FRRS1: variants seen among roughly 807,000 people sequenced by gnomAD.
FRRS1 encodes ferric reductase 1.
In FRRS1, 51 loss-of-function variants were observed where a neutral mutation model predicts 70.7. The observed-to-expected ratio is 0.72, with a 90% CI of 0.58 to 0.91. The LOEUF (loss-of-function observed/expected upper bound fraction) is 0.91. Ranked by LOEUF, FRRS1 falls within the 40% of genes least tolerant of loss-of-function variation. The pLI, the probability that FRRS1 is intolerant of heterozygous loss-of-function variation, is 0.00. For synonymous variants in FRRS1, 225 were observed against 238.7 expected, an observed-to-expected ratio of 0.94 and a Z score of 0.53; for missense variants, 672 against 726.0, an observed-to-expected ratio of 0.93 and a Z score of 0.86.
At position 99,740,825 on chromosome 1, in the gene FRRS1, T is replaced by G; in HGVS notation, c.544A>C (p.Thr182Pro). 3.1e-6 allele frequency: 5 copies of G among 1,612,902 alleles called. No individual in the cohort carries two copies. The highest frequency in any genetic ancestry group is 4.2e-6 in the Non-Finnish European group (5 of 1,178,890). ...TPKATVVPLP[T>P]LPPVSHLTKP... ...GTTAAGTGGGAAACGGGAGGTAACG[T>G]TGGCAAAGGTACTACTGTAGCTTTA... Residue 182 changes from threonine (T) to proline (P), a missense_variant, in exon 6 of 17, where the codon ACG (threonine) becomes CCG (proline). By Grantham distance (38) the Thr-to-Pro change is conservative. Transcript: ENST00000646001.
intron 1 of FRRS1, 65 bp from the exon 2 acceptor site, chr1:99,749,066 C>T (rs1656439105): frequency 4.5e-6 from 1 of 223,124 alleles, no homozygotes; most frequent in Admixed American, 5.5e-5. Flanking sequence ...ACATAGATCT[C>T]GCTCTGTTGC....
intron 1 of FRRS1, among the ~76,000 whole-genome samples, chr1:99,754,070 T>C (rs1363688565): frequency 6.6e-6 from 1 of 152,110 alleles, no homozygotes; most frequent in Non-Finnish European, 1.5e-5. Flanking sequence ...AATAAAAGGG[T>C]TAATTCTCCA....
At position 99,727,859 on chromosome 1, in the gene FRRS1, C is replaced by G. The variant is rs143435108; in HGVS notation, c.1006+634G>C. On this transcript the variant is annotated intron_variant, in intron 9 of 16. Coordinates refer to ENST00000646001, the MANE Select transcript of FRRS1 (RefSeq NM_001361041.2). Reference sequence around the variant, plus strand: ...GTGTTGCAATATCCACCAGTGTAGTCTTCTTGAGAATAAAGATTCAGACTC... The same window carrying G: ...GTGTTGCAATATCCACCAGTGTAGTGTTCTTGAGAATAAAGATTCAGACTC... 3.2e-3 allele frequency among the ~76,000 whole-genome samples: 490 copies of G among 152,260 alleles called. 4 individuals carry two copies. Among genetic ancestry groups the G allele is most frequent in the Middle Eastern group, 0.01 (3 of 294 alleles).
chr1:99,741,010 G>GA (rs533576638), intron 5 of FRRS1, 70 bp from the exon 6 acceptor site: 6,294 of 1,188,206 alleles, frequency 5.3e-3, no homozygotes, highest in South Asian at 6.5e-3. Flanking sequence ...AACGTTAAAG[G>GA]AAAAAAAAAA....
chr1:99,730,848 C>G, intron 7 of FRRS1, among the ~76,000 whole-genome samples: 1 of 126,904 alleles, frequency 7.9e-6, no homozygotes. Context: ...GCCTGGGCAA[C>G]AGAGCGAAAC....
rs144129737 is a variant in FRRS1, at chr1:99,717,868, G to C, written c.1121-343C>G. On this transcript the variant is annotated intron_variant, in intron 10 of 16. Coordinates refer to ENST00000646001, the MANE Select transcript of FRRS1 (RefSeq NM_001361041.2). Reference sequence around the variant, plus strand: ...ATAGAGAATTAAGTAGCTCTTCTGAGGTTACAAAGTTGGAATACAAACCCT... The same window carrying C: ...ATAGAGAATTAAGTAGCTCTTCTGACGTTACAAAGTTGGAATACAAACCCT... Among the ~76,000 whole-genome samples, 3 of 152,248 alleles carry C rather than the reference G, an allele frequency of 2.0e-5. No homozygotes were observed. The East Asian group carries it at 5.8e-4, about 29-fold the overall frequency.
intron 1 of FRRS1, 52 bp from the exon 2 acceptor site, chr1:99,749,053 G>A (rs537205777): frequency 8.3e-5 from 21 of 253,358 alleles, no homozygotes; most frequent in African/African-American, 3.2e-4. Context: ...TTTTTTTCTC[G>A]AGACATAGAT....
At position 99,708,293 on chromosome 1, in the gene FRRS1, T is replaced by C. The variant is rs1654087074; in HGVS notation, c.*735A>G. ...TTTCTTTAAAGTACCACAGCACCTT[T>C]GTAGTTCAAAATATATTTACCATAG... On this transcript the variant is annotated 3_prime_UTR_variant, in exon 17 of 17. Coordinates refer to ENST00000646001, the MANE Select transcript of FRRS1 (RefSeq NM_001361041.2). Among the ~76,000 whole-genome samples the C allele has an allele frequency of 6.6e-6, 1 of 152,066 alleles. No homozygotes were observed. Among genetic ancestry groups the C allele is most frequent in the South Asian group, 2.1e-4 (1 of 4,820 alleles).
chr1:99,742,230 A>G lies in FRRS1; in HGVS notation c.377T>C (p.Ile126Thr). 1.2e-6 allele frequency: 2 copies of G among 1,612,504 alleles called. No individual in the cohort carries two copies. The highest frequency in any genetic ancestry group is 2.2e-5 in the East Asian group (1 of 44,864). The change falls in exon 5 of 17, where the codon ATT becomes ACT. Residue 126 changes from isoleucine to threonine, a missense_variant. Physicochemically the swap from Ile to Thr is moderately conservative, Grantham distance 89 (BLOSUM62 -1). Transcript: ENST00000646001. ...GCTTGGAGCATTCCAGTAGACTTTAATTTCTGTTTTTTTAGATGCACTTCT... is the reference window on the plus strand; with the variant it reads ...GCTTGGAGCATTCCAGTAGACTTTAGTTTCTGTTTTTTTAGATGCACTTCT... Reference protein sequence around the residue: ...SHRSASKKTEIKVYWNAPSSA... With the variant: ...SHRSASKKTETKVYWNAPSSA...
chr1:99,718,219 A>G (rs1467811466), intron 10 of FRRS1, among the ~76,000 whole-genome samples: 1 of 152,234 alleles, frequency 6.6e-6, no homozygotes, highest in Non-Finnish European at 1.5e-5. Flanking sequence ...TATACCCTAC[A>G]CTACTCCCAT....
At chr1:99,742,051 C>T in intron 5 of FRRS1, 128 bp downstream of exon 5, 1 of 597,584 alleles carries the variant, frequency 1.7e-6, no homozygotes, top group Non-Finnish European at 3.0e-6. Context: ...GATGGGGTTT[C>T]ACCATGTTGC....
At chr1:99,757,380 G>C (rs922305961) in intron 1 of FRRS1, among the ~76,000 whole-genome samples, 3 of 152,020 alleles carry the variant, frequency 2.0e-5, no homozygotes, top group African/African-American at 7.2e-5. Context: ...AGAGTATCAA[G>C]AATTTCAGTA....
At chr1:99,727,891 CTA>C (rs1218982725) in intron 9 of FRRS1, among the ~76,000 whole-genome samples, 1 of 152,210 alleles carries the variant, frequency 6.6e-6, no homozygotes, top group Non-Finnish European at 1.5e-5. Flanking sequence ...ACTCATAAAA[CTA>C]TGTTAGGCTG....
At chr1:99,721,301 C>A (rs1654810486) in intron 9 of FRRS1, among the ~76,000 whole-genome samples, 1 of 151,066 alleles carries the variant, frequency 6.6e-6, no homozygotes, top group Non-Finnish European at 1.5e-5. Flanking sequence ...CTCACTTGAA[C>A]ACTTGAACCC....
intron 1 of FRRS1, among the ~76,000 whole-genome samples, chr1:99,758,472 CA>C (rs1256680776): frequency 6.6e-5 from 10 of 152,200 alleles, no homozygotes; most frequent in African/African-American, 2.4e-4. Context: ...GGGCATTTAT[CA>C]GTTCCCAAAT....
At chr1:99,728,920 T>G (rs538852986) in intron 8 of FRRS1, among the ~76,000 whole-genome samples, 1 of 152,322 alleles carries the variant, frequency 6.6e-6, no homozygotes, top group Non-Finnish European at 1.5e-5. Context: ...TTTTAACAGA[T>G]GTACTAACTC....
chr1:99,748,250 T>C, intron 3 of FRRS1: 1 of 175,140 alleles, frequency 5.7e-6, no homozygotes, highest in South Asian at 1.7e-4. Context: ...TTCTTAAAAT[T>C]ATATGATATC....
At chr1:99,746,618 A>C (rs1191510747) in intron 4 of FRRS1, among the ~76,000 whole-genome samples, 1 of 152,208 alleles carries the variant, frequency 6.6e-6, no homozygotes, top group Non-Finnish European at 1.5e-5. Context: ...GTGTTTCCAA[A>C]CCAGTGCCAG....
chr1:99,742,408 G>C (rs1656015285), intron 4 of FRRS1, 135 bp from the exon 5 acceptor site: 3 of 597,806 alleles, frequency 5.0e-6, no homozygotes, highest in Non-Finnish European at 9.0e-6. Flanking sequence ...TTTAGAAGAA[G>C]GACTCAGGCA....
Sources: allele counts gnomAD v4.1 joint callset (sites outside exome capture counted in the v4.1 genomes callset), GRCh38; gene constraint gnomAD v4.1.1; transcripts MANE v1.5; gene names NCBI Gene and HGNC (gene_info 2026-07-23, HGNC 2026-07-21).